RBFOX1: variants seen among roughly 807,000 people sequenced by gnomAD.
The protein encoded by RBFOX1 is RNA binding fox-1 homolog 1.
In RBFOX1, 8 loss-of-function variants were observed where a neutral mutation model predicts 57.7. The observed-to-expected ratio is 0.14, with a 90% CI of 0.08 to 0.25. The LOEUF (loss-of-function observed/expected upper bound fraction) is 0.25, where lower values mean the gene tolerates loss of function less well. Among genes scored for constraint, RBFOX1 ranks in the 10% least tolerant of loss-of-function variants. The pLI, the probability that RBFOX1 is intolerant of heterozygous loss-of-function variation, is 1.00. For synonymous variants in RBFOX1, 326 were observed against 222.4 expected (o/e 1.47, Z -4.15); for missense variants, 611 against 548.5 (o/e 1.11, Z -1.14).
chr16:6,867,579 C>T (rs866261720), intron 3 of RBFOX1, among the ~76,000 whole-genome samples: 4 of 152,012 alleles, frequency 2.6e-5, no homozygotes, highest in African/African-American at 4.8e-5. Context: ...ATTAGCCAGG[C>T]GTGGTGGTAC....
chr16:5,664,731 G>C (rs904890337), intron 3 of RBFOX1, among the ~76,000 whole-genome samples: 3 of 152,086 alleles, frequency 2.0e-5, no homozygotes, highest in Non-Finnish European at 2.9e-5. Context: ...ACTGACTCTT[G>C]GTCCACACGG....
intron 3 of RBFOX1, among the ~76,000 whole-genome samples, chr16:6,805,226 C>T (rs1381638063): frequency 2.6e-5 from 4 of 152,166 alleles, no homozygotes; most frequent in Non-Finnish European, 4.4e-5. Flanking sequence ...AAATGAGATC[C>T]TGTCTTTTGC....
chr16:7,447,668 C>T (rs576134301), intron 4 of RBFOX1, among the ~76,000 whole-genome samples: 1 of 152,198 alleles, frequency 6.6e-6, no homozygotes, highest in Non-Finnish European at 1.5e-5. Context: ...TTCAGCTCTT[C>T]CTGTCTATGA....
intron 2 of RBFOX1, among the ~76,000 whole-genome samples, chr16:6,589,941 C>G (rs1443624943): frequency 1.3e-5 from 2 of 152,084 alleles, no homozygotes; most frequent in Non-Finnish European, 2.9e-5. Flanking sequence ...ACATCATGAG[C>G]TTGAAGAAAA....
At chr16:7,617,326 C>T (rs764336179) in intron 10 of RBFOX1, among the ~76,000 whole-genome samples, 4 of 151,992 alleles carry the variant, frequency 2.6e-5, no homozygotes, top group African/African-American at 4.8e-5. Flanking sequence ...AAACTAAGGA[C>T]GTGGAAATTT....
chr16:7,132,368 C>T (rs988155957), intron 4 of RBFOX1, among the ~76,000 whole-genome samples: 1 of 150,676 alleles, frequency 6.6e-6, no homozygotes, highest in Non-Finnish European at 1.5e-5. Flanking sequence ...TTTATAATAG[C>T]TGAGAGATGG....
intron 3 of RBFOX1, among the ~76,000 whole-genome samples, chr16:6,791,753 T>A (rs191917693): frequency 0.017 from 2,527 of 151,976 alleles, 84 homozygotes; most frequent in African/African-American, 0.058. Flanking sequence ...AGAGTGAGAG[T>A]CTGTCTCAAA....
At chr16:7,087,319 G>A (rs1378937585) in intron 4 of RBFOX1, among the ~76,000 whole-genome samples, 1 of 152,082 alleles carries the variant, frequency 6.6e-6, no homozygotes, top group Non-Finnish European at 1.5e-5. Flanking sequence ...CCACCAGTGG[G>A]GCTTCCGTGA....
intron 4 of RBFOX1, among the ~76,000 whole-genome samples, chr16:7,292,788 A>G (rs957205783): frequency 6.6e-6 from 1 of 152,112 alleles, no homozygotes. Context: ...GGTGAAGGAA[A>G]TGCTATGTTT....
chr16:7,537,510 T>C (rs1203251117), intron 5 of RBFOX1, among the ~76,000 whole-genome samples: 1 of 152,122 alleles, frequency 6.6e-6, no homozygotes, highest in Non-Finnish European at 1.5e-5. Context: ...AGACCTACAC[T>C]TATAACCACA....
intron 1 of RBFOX1, among the ~76,000 whole-genome samples, chr16:5,345,658 A>G (rs2065123786): frequency 6.6e-6 from 1 of 152,172 alleles, no homozygotes. Context: ...AACACCCAGG[A>G]GCCACTTGCT....
At chr16:7,653,356 G>A (rs1399368815) in intron 11 of RBFOX1, among the ~76,000 whole-genome samples, 1 of 152,096 alleles carries the variant, frequency 6.6e-6, no homozygotes, top group African/African-American at 2.4e-5. Context: ...GAAAAAATTA[G>A]CCAGGTGTGG....
chr16:6,317,191 C>A, intron 2 of RBFOX1, 134 bp downstream of exon 2: 1 of 811,852 alleles, frequency 1.2e-6, no homozygotes, highest in Non-Finnish European at 1.9e-6. Flanking sequence ...TCTTTCTCTT[C>A]TGCCCTATTG....
At chr16:5,692,680 G>T (rs2050724302) in intron 3 of RBFOX1, among the ~76,000 whole-genome samples, 1 of 152,148 alleles carries the variant, frequency 6.6e-6, no homozygotes, top group African/African-American at 2.4e-5. Flanking sequence ...CCTGGCTGGG[G>T]AGCTCAGTGC....
chr16:5,707,574 A>C (rs752099796), intron 3 of RBFOX1, among the ~76,000 whole-genome samples: 1 of 152,198 alleles, frequency 6.6e-6, no homozygotes, highest in African/African-American at 2.4e-5. Context: ...CCTTCCCCCA[A>C]CACTCCAGCT....
intron 4 of RBFOX1, among the ~76,000 whole-genome samples, chr16:7,179,453 T>C (rs1464482490): frequency 1.3e-5 from 2 of 152,210 alleles, no homozygotes; most frequent in African/African-American, 4.8e-5. Context: ...GGCCTCCTCT[T>C]GAACTGATTT....
intron 3 of RBFOX1, among the ~76,000 whole-genome samples, chr16:6,964,912 C>G (rs970330455): frequency 1.3e-5 from 2 of 152,188 alleles, no homozygotes; most frequent in Admixed American, 6.5e-5. Context: ...TTAAGCCAGG[C>G]TAATCCCCAT....
At chr16:5,567,635 C>CAAAAAAA (rs34858401) in intron 2 of RBFOX1, among the ~76,000 whole-genome samples, 1 of 63,156 alleles carries the variant, frequency 1.6e-5, no homozygotes, top group Non-Finnish European at 2.7e-5. Context: ...AGGTTATAGG[C>CAAAAAAA]AAAAAAAAAA....
chr16:7,095,516 C>G (rs1489547214), intron 4 of RBFOX1, among the ~76,000 whole-genome samples: 1 of 152,074 alleles, frequency 6.6e-6, no homozygotes, highest in Non-Finnish European at 1.5e-5. Flanking sequence ...AGTTGTGTGT[C>G]CTCTTTTCCA....
Sources: gnomAD v4.1 joint callset for allele counts (sites outside exome capture counted in the v4.1 genomes callset) on GRCh38, gnomAD v4.1.1 for gene constraint, MANE v1.5 for transcripts, NCBI Gene and HGNC (gene_info 2026-07-23, HGNC 2026-07-21) for gene names.